The following CPA6 variants were observed in gnomAD, a reference collection of about 807,000 sequenced individuals.
CPA6 encodes the protein carboxypeptidase B.
Under a neutral mutation model 63.3 loss-of-function variants are expected in CPA6, and 58 were observed. The ratio of observed to expected loss-of-function variants is 0.92; its 90% confidence interval spans 0.74 to 1.14. The LOEUF is 1.14. CPA6 is among the 50% of genes most tolerant of loss of function. CPA6 has a pLI of 0.00. For synonymous variants in CPA6, 185 were observed against 179.0 expected (o/e 1.03, Z -0.27); for missense variants, 565 against 526.6 (o/e 1.07, Z -0.71).
At chr8:67,722,068 C>A (rs1817511572) in intron 1 of CPA6, among the ~76,000 whole-genome samples, 1 of 152,216 alleles carries the variant, frequency 6.6e-6, no homozygotes, top group Admixed American at 6.5e-5. Flanking sequence ...TTTCTCTGCT[C>A]ATAAATCTTG....
chr8:67,582,752 T>C (rs1366638702), intron 2 of CPA6, among the ~76,000 whole-genome samples: 2 of 152,232 alleles, frequency 1.3e-5, no homozygotes, highest in Admixed American at 1.3e-4. Context: ...ATGTCAGTCA[T>C]GGTTGTAGTT....
At chr8:67,575,673 A>G (rs1813604696) in intron 2 of CPA6, among the ~76,000 whole-genome samples, 1 of 152,206 alleles carries the variant, frequency 6.6e-6, no homozygotes, top group South Asian at 2.1e-4. Flanking sequence ...CCTGGCCAAC[A>G]TGGTGAAACC....
intron 8 of CPA6, among the ~76,000 whole-genome samples, chr8:67,457,891 C>T (rs1302408359): frequency 1.3e-5 from 2 of 152,156 alleles, no homozygotes; most frequent in Non-Finnish European, 1.5e-5. Flanking sequence ...GCCTTTGTTC[C>T]CGTTCTTCCT....
chr8:67,584,230 T>C (rs1278027683), intron 2 of CPA6, among the ~76,000 whole-genome samples: 1 of 152,126 alleles, frequency 6.6e-6, no homozygotes, highest in Non-Finnish European at 1.5e-5. Flanking sequence ...GTTTCAATGA[T>C]GAAGTCTTTA....
chr8:67,423,841 C>T (rs1459130283), intron 10 of CPA6, among the ~76,000 whole-genome samples: 1 of 152,236 alleles, frequency 6.6e-6, no homozygotes, highest in African/African-American at 2.4e-5. Flanking sequence ...AGGCCACAGA[C>T]TGGTACTGGT....
rs67842734 is a variant in CPA6 at position 67,713,099 on chromosome 8, GTATATATATA to G, written c.116+32905_116+32914del. Among the ~76,000 whole-genome samples the G allele has an allele frequency of 4.7e-3, 259 of 55,040 alleles. 3 individuals are homozygous for G. The highest frequency in any genetic ancestry group is 0.017 in the African/African-American group (230 of 13,504). The allele number at this position is 55,040 out of a possible 152,430, so 36.1% of individuals were successfully genotyped here. On this transcript the variant is annotated intron_variant, in intron 1 of 10. Coordinates refer to ENST00000297770, the MANE Select transcript of CPA6 (RefSeq NM_020361.5). ...TGTGTGTGTATGTGTGTGTGTGTGTGTATATATATATATATATATATATATATATATATAT... is the reference window on the plus strand; with the variant it reads ...TGTGTGTGTATGTGTGTGTGTGTGTGTATATATATATATATATATATATAT...
chr8:67,710,402 CACCCCCCCCCA>C (rs1817232064), intron 1 of CPA6, among the ~76,000 whole-genome samples: 6 of 138,054 alleles, frequency 4.3e-5, no homozygotes, highest in Admixed American at 4.2e-4. Context: ...TTCCCGCCCC[CACCCCCCCCCA>C]ACCCCCCACC....
At position 67,583,425 on chromosome 8, in the gene CPA6, A is replaced by G. The variant is rs1054636613; in HGVS notation, c.192+40751T>C. Among the ~76,000 whole-genome samples, 6 of 151,762 alleles carry G rather than the reference A, an allele frequency of 4.0e-5. No homozygotes were observed. In the South Asian group the frequency reaches 1.0e-3, roughly 26 times the overall value. On this transcript the variant is annotated intron_variant, in intron 2 of 10. Transcript: ENST00000297770. Reference sequence around the variant, plus strand: ...AATGGTCTTCGGTATAGATTTTTCTAGTCAAATTGGGTCTAGTAGAAGTGT... The same window carrying G: ...AATGGTCTTCGGTATAGATTTTTCTGGTCAAATTGGGTCTAGTAGAAGTGT...
chr8:67,624,743 G>C (rs1267944410), intron 1 of CPA6, among the ~76,000 whole-genome samples: 3 of 152,116 alleles, frequency 2.0e-5, no homozygotes, highest in Admixed American at 6.5e-5. Context: ...CATCTCTATG[G>C]GGCATCTCAT....
At chr8:67,620,872 A>T (rs1815065198) in intron 2 of CPA6, among the ~76,000 whole-genome samples, 1 of 152,220 alleles carries the variant, frequency 6.6e-6, no homozygotes, top group Non-Finnish European at 1.5e-5. Flanking sequence ...GCCTGCTTGT[A>T]AAATTGGCCT....
At chr8:67,473,596 G>A (rs1811110540) in intron 8 of CPA6, among the ~76,000 whole-genome samples, 2 of 151,976 alleles carry the variant, frequency 1.3e-5, no homozygotes, top group African/African-American at 4.8e-5. Flanking sequence ...TAGTTTTAAG[G>A]GGATTTTATT....
intron 2 of CPA6, among the ~76,000 whole-genome samples, chr8:67,602,820 C>T (rs927145877): frequency 3.9e-5 from 6 of 152,240 alleles, no homozygotes; most frequent in Non-Finnish European, 7.4e-5. Flanking sequence ...GAAACTGAGA[C>T]AAAGTCCATC....
chr8:67,587,057 C>T (rs1813958313), intron 2 of CPA6, among the ~76,000 whole-genome samples: 1 of 152,174 alleles, frequency 6.6e-6, no homozygotes, highest in Admixed American at 6.5e-5. Flanking sequence ...GCAGCAAATA[C>T]TAGGAGGATA....
At chr8:67,565,697 C>T (rs1025017637) in intron 2 of CPA6, among the ~76,000 whole-genome samples, 1 of 152,158 alleles carries the variant, frequency 6.6e-6, no homozygotes, top group Non-Finnish European at 1.5e-5. Flanking sequence ...TAGTTTTTTT[C>T]CCAAGAGAAA....
At chr8:67,440,441 C>T (rs1284717985) in intron 8 of CPA6, among the ~76,000 whole-genome samples, 3 of 152,100 alleles carry the variant, frequency 2.0e-5, no homozygotes, top group East Asian at 3.9e-4. Context: ...CGTGGTGACA[C>T]ACACCTGTAA....
At chr8:67,555,979 G>A (rs186589113) in intron 2 of CPA6, among the ~76,000 whole-genome samples, 1 of 152,306 alleles carries the variant, frequency 6.6e-6, no homozygotes, top group East Asian at 1.9e-4. Context: ...GAAGCAGTGT[G>A]TAGTTCCATC....
chr8:67,500,756 A>G (rs1451108791), intron 6 of CPA6, among the ~76,000 whole-genome samples: 1 of 151,362 alleles, frequency 6.6e-6, no homozygotes, highest in Non-Finnish European at 1.5e-5. Context: ...TATACAAAAA[A>G]AGATTCATTT....
chr8:67,509,675 GA>G (rs1254238714), intron 4 of CPA6, 57 bp from the exon 5 acceptor site: 12 of 844,380 alleles, frequency 1.4e-5, no homozygotes, highest in Non-Finnish European at 1.7e-5. Flanking sequence ...GGAGCTTTTA[GA>G]GAACAAAAGG....
intron 2 of CPA6, among the ~76,000 whole-genome samples, chr8:67,606,087 AAAAC>A (rs71253017): frequency 0.37 from 55,025 of 150,192 alleles, 10,840 homozygotes; most frequent in East Asian, 0.51. Context: ...CAAGGACAAA[AAAAC>A]AAACACCGCA....
Sources: gnomAD v4.1 joint callset for allele counts (sites outside exome capture counted in the v4.1 genomes callset) on GRCh38, gnomAD v4.1.1 for gene constraint, MANE v1.5 for transcripts, NCBI Gene and HGNC (gene_info 2026-07-23, HGNC 2026-07-21) for gene names.